NF1: variants seen among roughly 807,000 people sequenced by gnomAD.
The protein encoded by NF1 is neurofibromin 1, also known as neurofibromin.
NF1 carries 122 observed loss-of-function variants against 325.7 expected under a neutral mutation model. That is an observed-to-expected ratio of 0.37 (90% CI 0.32 to 0.44). NF1 has a LOEUF of 0.44. Ranked by LOEUF, NF1 falls within the 20% of genes least tolerant of loss-of-function variation. The pLI is 1.00. For missense variants in NF1, 2,140 were observed against 3,415.4 expected (o/e 0.63, Z 9.31); for synonymous variants, 1,091 against 1,186.0 (o/e 0.92, Z 1.65).
At chr17:31,172,341 CTG>C (rs1490051916) in intron 5 of NF1, among the ~76,000 whole-genome samples, 2 of 149,654 alleles carry the variant, frequency 1.3e-5, no homozygotes, top group Non-Finnish European at 3.0e-5. Context: ...GTCTGTCTCT[CTG>C]TCTCTCTGTC....
chr17:31,301,318 C>T (rs185298661), intron 36 of NF1, among the ~76,000 whole-genome samples: 1 of 151,980 alleles, frequency 6.6e-6, no homozygotes, highest in Non-Finnish European at 1.5e-5. Context: ...AACTCTGGTC[C>T]TTGGTGTTCC....
chr17:31,117,698 AAAAAAG>A (rs1270829869), intron 1 of NF1, among the ~76,000 whole-genome samples: 1 of 149,164 alleles, frequency 6.7e-6, no homozygotes, highest in Admixed American at 6.7e-5. Flanking sequence ...AAAAAAAAAA[AAAAAAG>A]GAATAGTGAT....
intron 1 of NF1, among the ~76,000 whole-genome samples, chr17:31,154,357 A>G (rs1917170579): frequency 1.3e-5 from 2 of 151,998 alleles, no homozygotes; most frequent in Admixed American, 1.3e-4. Context: ...GCACCTGGCC[A>G]TTTCTCTGAT....
chr17:31,290,429 A>C (rs1157948077), intron 36 of NF1, among the ~76,000 whole-genome samples: 3 of 152,098 alleles, frequency 2.0e-5, no homozygotes, highest in African/African-American at 7.2e-5. Flanking sequence ...TTCTTTCCAC[A>C]GCTAACAATG....
chr17:31,200,497 A>G lies in NF1; in HGVS notation c.964A>G (p.Ile322Val), dbSNP rs755007999. The change falls in exon 9 of 58, where the codon ATT (isoleucine) becomes GTT (valine). Residue 322 changes from isoleucine to valine, a missense_variant. By Grantham distance (29) the Ile-to-Val change is conservative. Coordinates refer to ENST00000358273, the MANE Select transcript of NF1 (RefSeq NM_001042492.3). Reference protein sequence around the residue: ...GSRQLTESAAIACVKLCKAST... With the variant: ...GSRQLTESAAVACVKLCKAST... Reference sequence around the variant, plus strand: ...TAGGCAGCTGACAGAAAGTGCTGCAATTGCCTGTGTCAAACTGTGTAAAGC... The same window carrying G: ...TAGGCAGCTGACAGAAAGTGCTGCAGTTGCCTGTGTCAAACTGTGTAAAGC... The G allele has an allele frequency of 6.8e-6, 11 of 1,614,060 alleles. No individual in the cohort carries two copies. Among genetic ancestry groups the G allele is most frequent in the Middle Eastern group, 1.6e-4 (1 of 6,084 alleles).
chr17:31,219,605 G>T (rs1183564278), intron 14 of NF1, among the ~76,000 whole-genome samples: 1 of 151,382 alleles, frequency 6.6e-6, no homozygotes, highest in Non-Finnish European at 1.5e-5. Context: ...TTAGCATTAG[G>T]TATATCTCCT....
At chr17:31,298,754 A>C (rs2068516387) in intron 36 of NF1, among the ~76,000 whole-genome samples, 1 of 152,108 alleles carries the variant, frequency 6.6e-6, no homozygotes, top group Non-Finnish European at 1.5e-5. Flanking sequence ...AAAATACTAC[A>C]TTCAGCAATA....
At chr17:31,114,555 A>G (rs1383982128) in intron 1 of NF1, among the ~76,000 whole-genome samples, 4 of 150,998 alleles carry the variant, frequency 2.6e-5, no homozygotes, top group Non-Finnish European at 5.9e-5. Context: ...AATAAAAAAA[A>G]AAAAGAAAAA....
intron 37 of NF1, 133 bp downstream of exon 37, chr17:31,326,385 C>T (rs867066596): frequency 2.1e-5 from 18 of 858,036 alleles, no homozygotes; most frequent in African/African-American, 1.7e-4. Context: ...CGGTGGCTCA[C>T]GCCTGTAATC....
At chr17:31,135,971 A>T (rs1915739325) in intron 1 of NF1, among the ~76,000 whole-genome samples, 1 of 152,010 alleles carries the variant, frequency 6.6e-6, no homozygotes. Flanking sequence ...CTTCTGCTTG[A>T]AGCATATTCT....
intron 36 of NF1, chr17:31,319,066 A>G (rs751574248): frequency 2.0e-6 from 3 of 1,530,830 alleles, no homozygotes; most frequent in African/African-American, 2.8e-5. Flanking sequence ...TGAAAGAATA[A>G]TGGATCCTAG....
At chr17:31,220,248 G>C (rs1331934010) in intron 14 of NF1, among the ~76,000 whole-genome samples, 3 of 152,060 alleles carry the variant, frequency 2.0e-5, no homozygotes, top group Non-Finnish European at 4.4e-5. Context: ...TGTACATACT[G>C]TACAAATGTT....
chr17:31,208,644 A>G (rs2066666401), intron 12 of NF1, among the ~76,000 whole-genome samples: 1 of 152,188 alleles, frequency 6.6e-6, no homozygotes, highest in Non-Finnish European at 1.5e-5. Flanking sequence ...TAATCCCAGC[A>G]CTTTGGGAGG....
chr17:31,150,967 A>G (rs954635375), intron 1 of NF1, among the ~76,000 whole-genome samples: 4 of 151,986 alleles, frequency 2.6e-5, no homozygotes, highest in Non-Finnish European at 4.4e-5. Context: ...CCTTGGAAGC[A>G]GAGGTTATGG....
At chr17:31,218,950 A>G (rs1219437331) in intron 13 of NF1, 55 bp from the exon 14 acceptor site, 17 of 1,504,346 alleles carry the variant, frequency 1.1e-5, no homozygotes, top group Admixed American at 7.8e-5. Context: ...TCCTCCTTCT[A>G]ATCTCTCTCG....
At chr17:31,128,059 A>C (rs1915034485) in intron 1 of NF1, among the ~76,000 whole-genome samples, 1 of 151,010 alleles carries the variant, frequency 6.6e-6, no homozygotes, top group South Asian at 2.1e-4. Flanking sequence ...ATCCCACCTC[A>C]GCCTCCCGAG....
At position 31,350,207 on chromosome 17, in the gene NF1, T is replaced by A. The variant is rs751593609; in HGVS notation, c.7346T>A (p.Val2449Asp). ...GCTTTACTTACAGTGTCTGAAGAAG[T>A]TCGAAGTCGCTGCAGCCTAAAACAT... The part of the protein sequence containing the change: ...LAALLTVSEE[V>D]RSRCSLKHRK... Residue 2449 changes from valine to aspartate, a missense_variant, in exon 50 of 58, where the codon GTT becomes GAT. By Grantham distance (152) the Val-to-Asp change is radical. Transcript: ENST00000358273. The A allele has an allele frequency of 6.2e-7, 1 of 1,614,014 alleles. No homozygotes were observed. The highest frequency in any genetic ancestry group is 1.1e-5 in the South Asian group (1 of 91,084).
intron 36 of NF1, chr17:31,304,232 G>A: frequency 3.2e-6 from 5 of 1,542,090 alleles, no homozygotes; most frequent in Non-Finnish European, 4.4e-6. Context: ...ATTTGAGGAT[G>A]GAAGATCAGC....
chr17:31,233,774 G>C lies in NF1; in HGVS notation c.3708+561G>C, dbSNP rs542542651. ...TGAGACGGGTTGTTGTTCCTTTCCA[G>C]TGTTAAAAGGCTATTTGCTTTTTAG... On this transcript the variant is annotated intron_variant, in intron 27 of 57. Coordinates refer to ENST00000358273, the MANE Select transcript of NF1 (RefSeq NM_001042492.3). Among the ~76,000 whole-genome samples the C allele has an allele frequency of 5.3e-5, 8 of 152,210 alleles. No individual in the cohort carries two copies. The South Asian group carries it at 1.7e-3, about 32-fold the overall frequency.
Sources: gnomAD v4.1 joint callset for allele counts (sites outside exome capture counted in the v4.1 genomes callset) on GRCh38, gnomAD v4.1.1 for gene constraint, MANE v1.5 for transcripts, NCBI Gene and HGNC (gene_info 2026-07-23, HGNC 2026-07-21) for gene names.